Variants in ZNF567 observed in about 807,000 individuals in gnomAD.
ZNF567 encodes zinc finger protein 567.
Under a neutral mutation model 53.9 loss-of-function variants are expected in ZNF567, and 36 were observed. The observed-to-expected ratio is 0.67, with a 90% CI of 0.51 to 0.88. The LOEUF (loss-of-function observed/expected upper bound fraction) is 0.88, where lower values mean the gene tolerates loss of function less well. ZNF567 is among the 40% of genes least tolerant of loss of function. The pLI is 0.00. For synonymous variants in ZNF567, 224 were observed against 260.4 expected, an observed-to-expected ratio of 0.86 and a Z score of 1.35; for missense variants, 619 against 764.7, an observed-to-expected ratio of 0.81 and a Z score of 2.25.
chr19:36,707,949 G>A (rs2039582337), intron 3 of ZNF567, among the ~76,000 whole-genome samples: 1 of 152,082 alleles, frequency 6.6e-6, no homozygotes, highest in African/African-American at 2.4e-5. Flanking sequence ...AGGCTGGAGT[G>A]CAGTGGTACA....
Position 36,720,508 on chromosome 19 carries a change from G to A in ZNF567, c.1784G>A (p.Gly595Glu), listed in dbSNP as rs749005597. The A allele has an allele frequency of 9.2e-5, 149 of 1,613,966 alleles. 5 individuals carry two copies. In the South Asian group the frequency reaches 1.6e-3, roughly 17 times the overall value. Reference sequence around the variant, plus strand: ...AAACCATATAAATGTAGTGAATGTGGAAAGTGCTTCCGCCAGAAGACAAAT... The same window carrying A: ...AAACCATATAAATGTAGTGAATGTGAAAAGTGCTTCCGCCAGAAGACAAAT... Reference protein sequence around the residue: ...GEKPYKCSECGKCFRQKTNLI... With the variant: ...GEKPYKCSECEKCFRQKTNLI... Residue 595 changes from glycine (G) to glutamate (E), a missense_variant, in exon 6 of 6, where the codon GGA (glycine) becomes GAA (glutamate). Coordinates refer to ENST00000682579, the MANE Select transcript of ZNF567 (RefSeq NM_001322917.1).
intron 5 of ZNF567, among the ~76,000 whole-genome samples, chr19:36,714,155 T>C (rs1258647836): frequency 1.3e-5 from 2 of 152,082 alleles, no homozygotes; most frequent in South Asian, 2.1e-4. Context: ...TATTTACTTA[T>C]TGGTTGTTTT....
chr19:36,694,139 T>G (rs2038759389), intron 2 of ZNF567, among the ~76,000 whole-genome samples: 1 of 152,194 alleles, frequency 6.6e-6, no homozygotes, highest in African/African-American at 2.4e-5. Flanking sequence ...TGAGCTAGAA[T>G]AGTACCACTG....
downstream of ZNF567, among the ~76,000 whole-genome samples, chr19:36,721,986 G>T (rs1303087701): frequency 6.6e-6 from 1 of 151,764 alleles, no homozygotes; most frequent in East Asian, 1.9e-4. Flanking sequence ...TTCATGATCC[G>T]CCTGCCTCGG....
chr19:36,678,793 G>A, the ZNF567 span, among the ~76,000 whole-genome samples: 2 of 151,422 alleles, frequency 1.3e-5, no homozygotes, highest in Non-Finnish European at 2.9e-5. Flanking sequence ...GCAGTGAGCC[G>A]AGATCGCCCA....
chr19:36,723,585 C>T (rs1036417405), downstream of ZNF567, among the ~76,000 whole-genome samples: 1 of 152,154 alleles, frequency 6.6e-6, no homozygotes, highest in Non-Finnish European at 1.5e-5. Flanking sequence ...CCTGTAATCC[C>T]AGCACTTTGG....
At chr19:36,667,770 C>T in the ZNF567 span, among the ~76,000 whole-genome samples, 1 of 151,530 alleles carries the variant, frequency 6.6e-6, no homozygotes, top group East Asian at 2.0e-4. Flanking sequence ...CTGCCTCAGC[C>T]TCCCGAGTAG....
chr19:36,694,974 C>A, intron 3 of ZNF567, 98 bp downstream of exon 3: 1 of 1,321,672 alleles, frequency 7.6e-7, no homozygotes, highest in Non-Finnish European at 1.0e-6. Flanking sequence ...ATCCTCCTAC[C>A]TATCTTTCCC....
At chr19:36,701,622 A>G (rs1184977993) in intron 3 of ZNF567, among the ~76,000 whole-genome samples, 5 of 151,726 alleles carry the variant, frequency 3.3e-5, no homozygotes, top group African/African-American at 4.8e-5. Context: ...TATTGGGTGC[A>G]TATATATTTA....
Position 36,719,519 on chromosome 19 carries a change from A to G in ZNF567, c.795A>G (p.Lys265=), listed in dbSNP as rs776321611. 3.7e-6 allele frequency: 6 copies of G among 1,613,600 alleles called. No individual in the cohort carries two copies. The highest frequency in any genetic ancestry group is 5.1e-6 in the Non-Finnish European group (6 of 1,179,870). Residue 265 remains lysine, a synonymous_variant, in exon 6 of 6, where the codon AAA becomes AAG. Transcript: ENST00000682579. ...AATGTGGGAAATCTTTCTGCAGGAAATCAGTATTGATTCTGCATCAGGGAA... is the reference window on the plus strand; with the variant it reads ...AATGTGGGAAATCTTTCTGCAGGAAGTCAGTATTGATTCTGCATCAGGGAA... ...CNECGKSFCR[K]SVLILHQGIH...
At chr19:36,702,820 A>AT (rs2039276586) in intron 3 of ZNF567, among the ~76,000 whole-genome samples, 1 of 152,116 alleles carries the variant, frequency 6.6e-6, no homozygotes, top group South Asian at 2.1e-4. Flanking sequence ...CTAGTTATAC[A>AT]TTCATCTAAA....
At chr19:36,707,530 C>CT (rs2039559651) in intron 3 of ZNF567, among the ~76,000 whole-genome samples, 1 of 152,048 alleles carries the variant, frequency 6.6e-6, no homozygotes, top group East Asian at 1.9e-4. Flanking sequence ...TCATGTTTAT[C>CT]TTTTTTTCTA....
the ZNF567 span, among the ~76,000 whole-genome samples, chr19:36,670,089 A>C: frequency 6.6e-6 from 1 of 152,136 alleles, no homozygotes; most frequent in African/African-American, 2.4e-5. Flanking sequence ...ACTGGCTCTG[A>C]ACTGACCTCA....
At chr19:36,707,962 C>T (rs933282943) in intron 3 of ZNF567, among the ~76,000 whole-genome samples, 1 of 152,158 alleles carries the variant, frequency 6.6e-6, no homozygotes, top group East Asian at 1.9e-4. Context: ...GTGGTACAAT[C>T]AGAGCTCACT....
intron 3 of ZNF567, among the ~76,000 whole-genome samples, chr19:36,703,062 A>G (rs1217083999): frequency 2.6e-5 from 4 of 151,760 alleles, no homozygotes; most frequent in Non-Finnish European, 4.4e-5. Context: ...GGTTTTATCT[A>G]CTTTTGGTCT....
At chr19:36,692,882 T>C (rs1600498427) in intron 2 of ZNF567, among the ~76,000 whole-genome samples, 1 of 152,172 alleles carries the variant, frequency 6.6e-6, no homozygotes, top group African/African-American at 2.4e-5. Flanking sequence ...TTCCCTGTCG[T>C]TGGGCATGGA....
chr19:36,698,014 G>A (rs1173373733), intron 3 of ZNF567, among the ~76,000 whole-genome samples: 1 of 150,576 alleles, frequency 6.6e-6, no homozygotes, highest in Non-Finnish European at 1.5e-5. Flanking sequence ...ATGCTGGTGT[G>A]CTGCACCCAT....
intron 5 of ZNF567, among the ~76,000 whole-genome samples, chr19:36,715,186 A>C (rs2145866771): frequency 6.6e-6 from 1 of 151,972 alleles, no homozygotes; most frequent in Non-Finnish European, 1.5e-5. Flanking sequence ...TTTGAGATGG[A>C]GTCCTGCTGT....
At chr19:36,671,225 G>A in the ZNF567 span, among the ~76,000 whole-genome samples, 8,178 of 152,256 alleles carry the variant, frequency 0.054, 633 homozygotes, top group African/African-American at 0.17. Flanking sequence ...TTAAGACATT[G>A]CATGTCAGAG....
Sources: allele counts gnomAD v4.1 joint callset (sites outside exome capture counted in the v4.1 genomes callset), GRCh38; gene constraint gnomAD v4.1.1; transcripts MANE v1.5; gene names NCBI Gene and HGNC (gene_info 2026-07-23, HGNC 2026-07-21).